Variants in PCDH9 observed in about 807,000 individuals in gnomAD.
PCDH9 encodes the protein protocadherin-9.
Under a neutral mutation model 70.6 loss-of-function variants are expected in PCDH9, and 24 were observed. The ratio of observed to expected loss-of-function variants is 0.34; its 90% CI spans 0.25 to 0.48. PCDH9 has a LOEUF of 0.48. Among genes scored for constraint, PCDH9 ranks in the 20% least tolerant of loss-of-function variants. The probability of loss-of-function intolerance (pLI) is 0.99; values close to 1 mark genes in which losing one functional copy is unlikely to be tolerated. For missense variants in PCDH9, 1,281 were observed against 1,503.6 expected, an observed-to-expected ratio of 0.85 and a Z score of 2.45; for synonymous variants, 562 against 558.5, an observed-to-expected ratio of 1.01 and a Z score of -0.09.
chr13:66,632,429 A>G (rs1021405130), intron 3 of PCDH9, among the ~76,000 whole-genome samples: 1 of 152,218 alleles, frequency 6.6e-6, no homozygotes, highest in Non-Finnish European at 1.5e-5. Context: ...TGACCCAGCT[A>G]TCACTCTAAT....
chr13:66,437,997 G>A lies in PCDH9; in HGVS notation c.3341-132969C>T, dbSNP rs537726558. ...GCCTGTAATTCCAACAGTTTGGGAG[G>A]CTGAGGCGGGTGGATCACCTGAGGT... On this transcript the variant is annotated intron_variant, in intron 4 of 4. Transcript: ENST00000377865. Among the ~76,000 whole-genome samples, 9 of 152,242 alleles carry A rather than the reference G, an allele frequency of 5.9e-5. No individual in the cohort carries two copies. The East Asian group carries it at 1.7e-3, about 29-fold the overall frequency.
chr13:66,336,284 T>C (rs1412049463), intron 4 of PCDH9, among the ~76,000 whole-genome samples: 1 of 151,702 alleles, frequency 6.6e-6, no homozygotes. Flanking sequence ...ATTTACAAAA[T>C]CCACAGTACT....
rs545182660 is a variant in PCDH9, at chr13:66,512,214, C to A, written c.3340+118996G>T. Among the ~76,000 whole-genome samples, 483 of 150,326 alleles carry A rather than the reference C, an allele frequency of 3.2e-3. 1 individual carries two copies. Among genetic ancestry groups the A allele is most frequent in the Middle Eastern group, 0.014 (4 of 292 alleles). On this transcript the variant is annotated intron_variant, in intron 4 of 4. Coordinates refer to ENST00000377865, the MANE Select transcript of PCDH9 (RefSeq NM_203487.3). ...CATCCCTGCCTATTTTCCTAAAGAG[C>A]CTGTAGAGAAACATATTATACAAAA...
chr13:66,849,517 T>TATATATATAG (rs1272589939), intron 3 of PCDH9, among the ~76,000 whole-genome samples: 17 of 63,576 alleles, frequency 2.7e-4, no homozygotes, highest in East Asian at 1.1e-3. Flanking sequence ...TATATATATA[T>TATATATATAG]AGAGAGAGAG....
At chr13:67,146,505 T>C (rs2087526683) in intron 2 of PCDH9, among the ~76,000 whole-genome samples, 1 of 152,352 alleles carries the variant, frequency 6.6e-6, no homozygotes, top group South Asian at 2.1e-4. Context: ...TTTGCTCTGA[T>C]GGACATTTTG....
intron 2 of PCDH9, among the ~76,000 whole-genome samples, chr13:67,198,211 A>G (rs1397868652): frequency 2.0e-5 from 3 of 151,690 alleles, no homozygotes; most frequent in Non-Finnish European, 4.4e-5. Flanking sequence ...AAATATGTCA[A>G]GGGGAAAAAT....
At chr13:66,466,015 A>T (rs1207575324) in intron 4 of PCDH9, among the ~76,000 whole-genome samples, 1 of 151,968 alleles carries the variant, frequency 6.6e-6, no homozygotes, top group Non-Finnish European at 1.5e-5. Context: ...TAAACTAAAC[A>T]TTCTCACAAT....
intron 4 of PCDH9, among the ~76,000 whole-genome samples, chr13:66,397,570 C>T (rs1288732588): frequency 6.7e-6 from 1 of 150,110 alleles, no homozygotes; most frequent in Non-Finnish European, 1.5e-5. Context: ...TATATGTATA[C>T]ATACACAAAA....
At chr13:66,862,184 C>T (rs935831493) in intron 3 of PCDH9, among the ~76,000 whole-genome samples, 1 of 152,164 alleles carries the variant, frequency 6.6e-6, no homozygotes, top group Non-Finnish European at 1.5e-5. Context: ...CTTCAATTAC[C>T]AGTGCCTAAC....
At chr13:67,116,171 A>C (rs2086768290) in intron 2 of PCDH9, among the ~76,000 whole-genome samples, 1 of 152,220 alleles carries the variant, frequency 6.6e-6, no homozygotes, top group African/African-American at 2.4e-5. Flanking sequence ...TAAACGAGAA[A>C]ATACAAGCAA....
chr13:66,774,087 A>AT (rs1348240461), intron 3 of PCDH9, among the ~76,000 whole-genome samples: 2 of 151,996 alleles, frequency 1.3e-5, no homozygotes, highest in East Asian at 1.9e-4. Context: ...CATTCCTGTA[A>AT]TTTTTTACAC....
intron 2 of PCDH9, chr13:67,224,953 A>G: frequency 1.0e-6 from 1 of 1,003,624 alleles, no homozygotes; most frequent in African/African-American, 1.7e-5. Flanking sequence ...TAACCCCTTT[A>G]GCAACCATAG....
intron 4 of PCDH9, among the ~76,000 whole-genome samples, chr13:66,598,793 T>C (rs1484559159): frequency 6.6e-6 from 1 of 151,884 alleles, no homozygotes; most frequent in African/African-American, 2.4e-5. Flanking sequence ...CTTGTATAAA[T>C]GCCTCCTAAG....
At chr13:67,011,710 T>C (rs2084454983) in intron 2 of PCDH9, among the ~76,000 whole-genome samples, 1 of 151,894 alleles carries the variant, frequency 6.6e-6, no homozygotes, top group South Asian at 2.1e-4. Flanking sequence ...AATAACCTAT[T>C]TGGAGTGAGT....
intron 3 of PCDH9, among the ~76,000 whole-genome samples, chr13:66,764,272 C>A: frequency 6.7e-6 from 1 of 148,310 alleles, no homozygotes; most frequent in African/African-American, 2.5e-5. Context: ...AAACCGAAAA[C>A]TTTAATTCTC....
At chr13:67,139,665 G>T (rs1328946785) in intron 2 of PCDH9, among the ~76,000 whole-genome samples, 1 of 152,080 alleles carries the variant, frequency 6.6e-6, no homozygotes, top group African/African-American at 2.4e-5. Context: ...GCTTTTCAAA[G>T]TGCACGACTT....
At chr13:66,405,745 T>C (rs1249275004) in intron 4 of PCDH9, among the ~76,000 whole-genome samples, 4 of 152,188 alleles carry the variant, frequency 2.6e-5, no homozygotes, top group Non-Finnish European at 5.9e-5. Flanking sequence ...TTATCATCAG[T>C]ATTTTCCAAA....
intron 3 of PCDH9, among the ~76,000 whole-genome samples, chr13:66,864,665 T>C (rs1162121097): frequency 6.6e-6 from 1 of 152,196 alleles, no homozygotes; most frequent in Admixed American, 6.5e-5. Context: ...GCCCCCAAAA[T>C]TTCTCTGGAA....
intron 2 of PCDH9, among the ~76,000 whole-genome samples, chr13:67,129,029 A>AT (rs1322821876): frequency 7.3e-5 from 11 of 151,496 alleles, no homozygotes; most frequent in Non-Finnish European, 1.3e-4. Flanking sequence ...TGTTTTTTTA[A>AT]TTTTTTTTTA....
Sources: allele counts gnomAD v4.1 joint callset (sites outside exome capture counted in the v4.1 genomes callset), GRCh38; gene constraint gnomAD v4.1.1; transcripts MANE v1.5; gene names NCBI Gene and HGNC (gene_info 2026-07-23, HGNC 2026-07-21).